The following ZAR1 variants were observed in gnomAD, a reference collection of about 807,000 sequenced individuals.
ZAR1 encodes the protein zygote arrest 1, also known as zygote arrest protein 1.
Under a neutral mutation model 38.3 loss-of-function variants are expected in ZAR1, and 37 were observed. The observed-to-expected ratio is 0.97, with a 90% CI of 0.74 to 1.27. ZAR1 has a LOEUF of 1.27. Ranked by LOEUF, ZAR1 falls within the 50% of genes most tolerant of loss-of-function variation. The probability of loss-of-function intolerance (pLI) is 0.00; values close to 1 mark genes in which losing one functional copy is unlikely to be tolerated. For synonymous variants in ZAR1, 336 were observed against 292.0 expected, an observed-to-expected ratio of 1.15 and a Z score of -1.53; for missense variants, 651 against 632.4, an observed-to-expected ratio of 1.03 and a Z score of -0.32.
chr4:48,491,476 G>T (rs1202667185), intron 1 of ZAR1, among the ~76,000 whole-genome samples: 1 of 152,208 alleles, frequency 6.6e-6, no homozygotes, highest in Non-Finnish European at 1.5e-5. Context: ...CTGCTCCACG[G>T]GCTGGCCAGG....
rs377383344 is a variant in ZAR1, at chr4:48,494,094, C to T, written c.1132-7C>T. ...TCTGCATGCCCTTCTGTATTTTTTT[C>T]CCCCAGAGTTGTAAACAAACGAGAT... On this transcript the variant is annotated splice_region_variant and splice_polypyrimidine_tract_variant and intron_variant, in intron 3 of 3. Coordinates refer to ENST00000327939, the MANE Select transcript of ZAR1 (RefSeq NM_175619.3). 2.5e-6 allele frequency: 4 copies of T among 1,604,094 alleles called. No homozygotes were observed. Among genetic ancestry groups the T allele is most frequent in the Non-Finnish European group, 3.4e-6 (4 of 1,175,286 alleles).
At position 48,490,552 on chromosome 4, in the gene ZAR1, G is replaced by A. The variant is rs745542393; in HGVS notation, c.261G>A (p.Leu87=). The change falls in exon 1 of 4, where the codon CTG becomes CTA. Residue 87 remains leucine (L), a synonymous_variant. Coordinates refer to ENST00000327939, the MANE Select transcript of ZAR1 (RefSeq NM_175619.3). Reference sequence around the variant, plus strand: ...AGCGGGAGCGGCTCATGGCTCTCCTGGCGCAGGTGGGGCCGGGTCTCGGGC... The same window carrying A: ...AGCGGGAGCGGCTCATGGCTCTCCTAGCGCAGGTGGGGCCGGGTCTCGGGC... ...SYQRERLMAL[L]AQVGPGLGPR... 19 of 1,443,196 alleles carry A rather than the reference G, an allele frequency of 1.3e-5. No homozygotes were observed. The highest frequency in any genetic ancestry group is 1.6e-5 in the Non-Finnish European group (18 of 1,107,688). 89.4% of individuals were successfully genotyped at this position (1,443,196 alleles called of 1,614,324 possible). A position where few individuals can be genotyped will look rare whatever the true frequency, so the allele number is the denominator to read the frequency against.
At chr4:48,494,074 A>G (rs772767186) in intron 3 of ZAR1, 27 bp from the exon 4 acceptor site, 28 of 1,605,878 alleles carry the variant, frequency 1.7e-5, no homozygotes, top group Non-Finnish European at 2.2e-5. Flanking sequence ...TATCTTCTGC[A>G]TGCCCTTCTG....
At chr4:48,497,623 CAG>C (rs538121956), downstream of ZAR1, 28 of 152,652 alleles carry the variant, frequency 1.8e-4, no homozygotes, top group African/African-American at 6.3e-4. Flanking sequence ...GTAAGAAAAA[CAG>C]AGGACAGTAA....
chr4:48,494,013 T>G, intron 3 of ZAR1, 88 bp from the exon 4 acceptor site: 1 of 1,483,712 alleles, frequency 6.7e-7, no homozygotes, highest in Non-Finnish European at 9.1e-7. Flanking sequence ...ATTCATTAAG[T>G]ACTTGAATGG....
intron 3 of ZAR1, among the ~76,000 whole-genome samples, chr4:48,493,526 G>C (rs1283115890): frequency 6.6e-6 from 1 of 152,186 alleles, no homozygotes; most frequent in Non-Finnish European, 1.5e-5. Context: ...TTGCTTAAGC[G>C]CTTGCTTGCT....
At chr4:48,492,621 T>C in intron 1 of ZAR1, 145 bp from the exon 2 acceptor site, 1 of 722,136 alleles carries the variant, frequency 1.4e-6, no homozygotes, top group Non-Finnish European at 2.4e-6. Context: ...AATTACTGTA[T>C]TGAAGAGGCG....
Position 48,490,401 on chromosome 4 carries a change from G to A in ZAR1, c.110G>A (p.Gly37Asp). The A allele has an allele frequency of 6.7e-7, 1 of 1,493,512 alleles. No individual in the cohort carries two copies. Among genetic ancestry groups the A allele is most frequent in the Non-Finnish European group, 8.9e-7 (1 of 1,125,508 alleles). The allele number at this position is 1,493,512 out of a possible 1,614,324, so 92.5% of individuals were successfully genotyped here. A position where few individuals can be genotyped will look rare whatever the true frequency, so the allele number is the denominator to read the frequency against. Residue 37 changes from glycine to aspartate, a missense_variant, in exon 1 of 4, where the codon GGC (glycine) becomes GAC (aspartate). Physicochemically the swap from Gly to Asp is moderately conservative, Grantham distance 94. Transcript: ENST00000327939. ...PAATKGKGAAGGSWQQRGRGC... is the reference protein window; with the variant it reads ...PAATKGKGAADGSWQQRGRGC... ...GCCACCAAGGGCAAGGGCGCGGCGG[G>A]CGGCAGCTGGCAGCAGCGCGGCAGG...
In ZAR1 at chr4:48,491,742, A is replaced by G. The variant is rs141021118; in HGVS notation, c.963+488A>G. Among the ~76,000 whole-genome samples, 38 of 152,322 alleles carry G rather than the reference A, an allele frequency of 2.5e-4. No individual in the cohort carries two copies. The East Asian group carries it at 5.8e-3, about 23-fold the overall frequency. On this transcript the variant is annotated intron_variant, in intron 1 of 3. Transcript: ENST00000327939. The stretch of plus-strand genomic sequence containing the variant: ...TTTCTCCTTTACGAGCTTCCAGGCT[A>G]TTGGAAAGCTGGAGCTCCTAAAATG...
downstream of ZAR1, among the ~76,000 whole-genome samples, chr4:48,495,742 G>T (rs181415537): frequency 1.3e-5 from 2 of 152,292 alleles, no homozygotes; most frequent in Admixed American, 1.3e-4. Flanking sequence ...TTAAAAGAAC[G>T]ATACCTCAGC....
In ZAR1 at chr4:48,494,130, A is replaced by G. The variant is rs1369900876; in HGVS notation, c.1161A>G (p.Pro387=). 2 of 1,614,148 alleles carry G rather than the reference A, an allele frequency of 1.2e-6. No individual in the cohort carries two copies. The highest frequency in any genetic ancestry group is 4.5e-5 in the East Asian group (2 of 44,888). The change falls in exon 4 of 4, where the codon CCA becomes CCG. Residue 387 remains proline, a synonymous_variant. Transcript: ENST00000327939. ...GTAAACAAACGAGATGTTCCTGCCC[A>G]GTAAAACTTCGCCACGTGGACCCTA... ...QSCKQTRCSC[P]VKLRHVDPKR...
At chr4:48,492,300 A>G (rs1325306825) in intron 1 of ZAR1, among the ~76,000 whole-genome samples, 2 of 152,198 alleles carry the variant, frequency 1.3e-5, no homozygotes, top group Non-Finnish European at 2.9e-5. Flanking sequence ...ATTATGGCTT[A>G]CGTACGATTT....
In ZAR1 at chr4:48,490,936, G is replaced by A. The variant is rs1016453403; in HGVS notation, c.645G>A (p.Pro215=). 6.0e-6 allele frequency: 8 copies of A among 1,342,046 alleles called. No homozygotes were observed. Among genetic ancestry groups the A allele is most frequent in the African/African-American group, 3.1e-5 (2 of 65,104 alleles). 83.1% of individuals were successfully genotyped at this position (1,342,046 alleles called of 1,614,324 possible). A position where few individuals can be genotyped will look rare whatever the true frequency, so the allele number is the denominator to read the frequency against. ...GGGCGTCGGACGGAGAGAGGGGGCC[G>A]CCGCCCGCGCGGCTTCAAGGCCCAG... ...RSGASDGERG[P]PPARLQGPEE... is the part of the protein sequence containing the mutation. Residue 215 remains proline, a synonymous_variant, in exon 1 of 4, where the codon CCG becomes CCA. Transcript: ENST00000327939.
chr4:48,496,783 T>C (rs1718635402), downstream of ZAR1, among the ~76,000 whole-genome samples: 1 of 152,210 alleles, frequency 6.6e-6, no homozygotes, highest in African/African-American at 2.4e-5. Context: ...ATATTTCCTT[T>C]ATTTTCTAAA....
In ZAR1 at chr4:48,494,302, G is replaced by C; in HGVS notation, c.*58G>C. The C allele has an allele frequency of 6.3e-7, 1 of 1,592,320 alleles. No homozygotes were observed. Among genetic ancestry groups the C allele is most frequent in the Admixed American group, 1.7e-5 (1 of 59,280 alleles). ...GGAGTAGACGAGTGAGCTTTTCCGT[G>C]CCTCTCCTCCACCTCTCCCTTCTCA... On this transcript the variant is annotated 3_prime_UTR_variant, in exon 4 of 4. Coordinates refer to ENST00000327939, the MANE Select transcript of ZAR1 (RefSeq NM_175619.3).
In ZAR1 at chr4:48,492,921, C is replaced by T. The variant is rs1236622444; in HGVS notation, c.1057-17C>T. 12 of 1,614,014 alleles carry T rather than the reference C, an allele frequency of 7.4e-6. No individual in the cohort carries two copies. Among genetic ancestry groups the T allele is most frequent in the Non-Finnish European group, 9.3e-6 (11 of 1,179,990 alleles). On this transcript the variant is annotated splice_polypyrimidine_tract_variant and intron_variant, in intron 2 of 3. Coordinates refer to ENST00000327939, the MANE Select transcript of ZAR1 (RefSeq NM_175619.3). ...AGTGTCAAGGCGATTTTAAGTTTAT[C>T]CTCTTTGTCATCACAGGTTTACTTC... is the stretch of plus-strand genomic sequence containing the variant.
At chr4:48,493,983 T>C in intron 3 of ZAR1, 118 bp from the exon 4 acceptor site, 1 of 1,253,286 alleles carries the variant, frequency 8.0e-7, no homozygotes, top group African/African-American at 1.5e-5. Context: ...AAGATTACTA[T>C]GGGACCTTGC....
In ZAR1 at chr4:48,492,786, C is replaced by T; in HGVS notation, c.984C>T (p.Gly328=). 4.3e-6 allele frequency: 7 copies of T among 1,614,090 alleles called. No homozygotes were observed. Among genetic ancestry groups the T allele is most frequent in the Non-Finnish European group, 5.9e-6 (7 of 1,179,986 alleles). ...LRFQFLEQKY[G]YYHCKDCNIR... is the part of the protein sequence containing the mutation. ...TTCAGTTCTTAGAGCAGAAATATGG[C>T]TATTACCACTGCAAGGACTGCAACA... is the stretch of plus-strand genomic sequence containing the variant. The change falls in exon 2 of 4, where the codon GGC becomes GGT. Residue 328 remains glycine (G), a synonymous_variant. Transcript: ENST00000327939.
chr4:48,495,775 G>GA (rs1454775991), downstream of ZAR1, among the ~76,000 whole-genome samples: 4 of 152,208 alleles, frequency 2.6e-5, no homozygotes, highest in African/African-American at 9.6e-5. Context: ...CAAATGAGTC[G>GA]AATGAGGCAA....
Sources: allele counts gnomAD v4.1 joint callset (sites outside exome capture counted in the v4.1 genomes callset), GRCh38; gene constraint gnomAD v4.1.1; transcripts MANE v1.5; gene names NCBI Gene and HGNC (gene_info 2026-07-23, HGNC 2026-07-21).